WNK2: variants seen among roughly 807,000 people sequenced by gnomAD.
WNK2 encodes serine/threonine-protein kinase WNK2.
In WNK2, 67 loss-of-function variants were observed where a neutral mutation model predicts 192.1. The ratio of observed to expected loss-of-function variants is 0.35; its 90% CI spans 0.29 to 0.43. The LOEUF (loss-of-function observed/expected upper bound fraction) is 0.43, where lower values mean the gene tolerates loss of function less well. WNK2 is among the 20% of genes least tolerant of loss of function. The pLI is 1.00. For synonymous variants in WNK2, 1,439 were observed against 1,393.9 expected (o/e 1.03, Z -0.72); for missense variants, 2,698 against 3,089.7 (o/e 0.87, Z 3.01).
chr9:93,240,118 G>T (rs1840502680), intron 7 of WNK2, 142 bp downstream of exon 7: 1 of 910,132 alleles, frequency 1.1e-6, no homozygotes. Flanking sequence ...ATCCAGGCAG[G>T]TGTGGGCAGC....
rs374401258 is a variant in WNK2, at chr9:93,259,523, T to C, written c.2975T>C (p.Leu992Pro). 2.6e-6 allele frequency: 4 copies of C among 1,540,444 alleles called. No homozygotes were observed. The African/African-American group carries it at 5.9e-5, about 23-fold the overall frequency. ...PQPMLPPQPVLPPQPALPVRP... is the reference protein window; with the variant it reads ...PQPMLPPQPVPPPQPALPVRP... ...CCCATGCTGCCCCCACAACCTGTGC[T>C]GCCCCCGCAGCCGGCACTGCCTGTG... Residue 992 changes from leucine (L) to proline (P), a missense_variant, in exon 12 of 30, where the codon CTG (leucine) becomes CCG (proline). Coordinates refer to ENST00000427277, the MANE Select transcript of WNK2 (RefSeq NM_006648.4). This position sits in a 1 kb window ranked among gnomAD's most constrained non-coding sequence, Gnocchi z 4.8.
At chr9:93,222,545 G>A (rs1390943643) in intron 2 of WNK2, among the ~76,000 whole-genome samples, 1 of 152,166 alleles carries the variant, frequency 6.6e-6, no homozygotes, top group East Asian at 1.9e-4. Context: ...ATGGAGGGCA[G>A]CATCTGGGAC....
intron 8 of WNK2, among the ~76,000 whole-genome samples, chr9:93,250,711 G>A (rs1842477787): frequency 6.6e-6 from 1 of 151,796 alleles, no homozygotes; most frequent in South Asian, 2.1e-4. Flanking sequence ...GGTGACTGTA[G>A]TAGCACATTT....
intron 19 of WNK2, among the ~76,000 whole-genome samples, chr9:93,288,532 A>C (rs141286081): frequency 1.6e-4 from 24 of 152,328 alleles, no homozygotes; most frequent in African/African-American, 5.8e-4. Context: ...TGGTTCAGCC[A>C]CAAGGGACAC....
intron 4 of WNK2, among the ~76,000 whole-genome samples, chr9:93,232,462 T>C (rs963557142): frequency 2.0e-5 from 3 of 152,184 alleles, no homozygotes; most frequent in African/African-American, 7.2e-5. Flanking sequence ...GGCTTTGAGC[T>C]CTGTGCACTT....
chr9:93,293,199 G>GC (rs1288115224), intron 23 of WNK2, 26 bp downstream of exon 23: 2 of 1,425,376 alleles, frequency 1.4e-6, no homozygotes, highest in Non-Finnish European at 9.1e-7. Flanking sequence ...AGGAAGTGTT[G>GC]CCCCCGCCCC....
At chr9:93,196,965 C>T (rs1036653581) in intron 2 of WNK2, among the ~76,000 whole-genome samples, 4 of 152,198 alleles carry the variant, frequency 2.6e-5, no homozygotes, top group African/African-American at 9.7e-5. Context: ...ACAGCTCCCA[C>T]ACCCAGGCAT....
At chr9:93,285,356 G>C (rs903605423) in intron 19 of WNK2, among the ~76,000 whole-genome samples, 31 of 152,266 alleles carry the variant, frequency 2.0e-4, no homozygotes, top group African/African-American at 7.0e-4. Context: ...TATATACATA[G>C]AGATTTAAAT....
chr9:93,261,840 T>C lies in WNK2; in HGVS notation c.3093T>C (p.Tyr1031=), dbSNP rs750536990. ...TTCTGCTTGGCCACCCAGCTCCCTA[T>C]GCTGTGGACGTCGCCGCTCAGGTCC... is the stretch of plus-strand genomic sequence containing the variant. ...SQILLGHPAP[Y]AVDVAAQVPT... The change falls in exon 13 of 30, where the codon TAT becomes TAC. Residue 1031 remains tyrosine, a synonymous_variant. Transcript: ENST00000427277. The C allele has an allele frequency of 6.3e-7, 1 of 1,597,358 alleles. No individual in the cohort carries two copies. The highest frequency in any genetic ancestry group is 1.1e-5 in the South Asian group (1 of 90,948).
At chr9:93,184,840 G>A (rs1828987469) in intron 1 of WNK2, 88 bp from the exon 2 acceptor site, 57 of 1,142,700 alleles carry the variant, frequency 5.0e-5, no homozygotes, top group Non-Finnish European at 6.0e-5. Flanking sequence ...GCAGGTTGCG[G>A]GCTTAGGGCG....
At chr9:93,186,572 C>G (rs1237057172) in intron 2 of WNK2, among the ~76,000 whole-genome samples, 1 of 152,192 alleles carries the variant, frequency 6.6e-6, no homozygotes, top group Non-Finnish European at 1.5e-5. Context: ...AGCTGGCTGT[C>G]CAGTCCAGGC....
At chr9:93,292,159 A>G (rs1393588565) in intron 21 of WNK2, 149 bp from the exon 22 acceptor site, 1 of 736,518 alleles carries the variant, frequency 1.4e-6, no homozygotes, top group East Asian at 2.5e-5. Flanking sequence ...GAGCACACAC[A>G]GCTGGCTCCT....
intron 2 of WNK2, among the ~76,000 whole-genome samples, chr9:93,194,344 A>G (rs143368596): frequency 7.9e-4 from 120 of 152,374 alleles, no homozygotes; most frequent in African/African-American, 2.7e-3. Flanking sequence ...CAAAATTTAC[A>G]GAGAATTCTT....
intron 29 of WNK2, chr9:93,317,876 G>T: frequency 6.4e-7 from 1 of 1,562,702 alleles, no homozygotes; most frequent in South Asian, 1.2e-5. Flanking sequence ...TTGCCAGATG[G>T]CGCCCTCGGA....
intron 2 of WNK2, among the ~76,000 whole-genome samples, chr9:93,203,242 G>A (rs1237998234): frequency 6.6e-6 from 1 of 152,208 alleles, no homozygotes; most frequent in Admixed American, 6.5e-5. Flanking sequence ...GCCCCCTGGG[G>A]CCTGGTGGGC....
At chr9:93,301,762 A>G (rs1050088866) in intron 26 of WNK2, among the ~76,000 whole-genome samples, 9 of 152,210 alleles carry the variant, frequency 5.9e-5, no homozygotes, top group African/African-American at 2.2e-4. Context: ...GACTCAGTGC[A>G]GGGTGTTAGT....
chr9:93,237,602 G>A lies in WNK2; in HGVS notation c.1234-631G>A, dbSNP rs192466785. Reference sequence around the variant, plus strand: ...CTACAAGTTGCAGCCCCTCTCACTTGTAGGTCTCTTTCTGTTGGCTGGCTT... The same window carrying A: ...CTACAAGTTGCAGCCCCTCTCACTTATAGGTCTCTTTCTGTTGGCTGGCTT... On this transcript the variant is annotated intron_variant, in intron 5 of 29. Transcript: ENST00000427277. Among the ~76,000 whole-genome samples, 62 of 152,320 alleles carry A rather than the reference G, an allele frequency of 4.1e-4. No individual in the cohort carries two copies. The East Asian group carries it at 0.011, about 27-fold the overall frequency.
intron 2 of WNK2, among the ~76,000 whole-genome samples, chr9:93,209,574 T>A (rs1468014180): frequency 6.6e-6 from 1 of 152,168 alleles, no homozygotes; most frequent in African/African-American, 2.4e-5. Flanking sequence ...CAGAGGGGGT[T>A]CTGTAGGGTT....
At chr9:93,216,504 G>A (rs1564009007) in intron 2 of WNK2, among the ~76,000 whole-genome samples, 1 of 151,948 alleles carries the variant, frequency 6.6e-6, no homozygotes. Context: ...AAATTAGCTG[G>A]GTGTGATGCT....
Sources: allele counts gnomAD v4.1 joint callset (sites outside exome capture counted in the v4.1 genomes callset), GRCh38; gene constraint gnomAD v4.1.1; non-coding constraint Gnocchi (gnomAD v3.1); transcripts MANE v1.5; gene names NCBI Gene and HGNC (gene_info 2026-07-23, HGNC 2026-07-21).